The following CBX7 variants were observed in gnomAD, a reference collection of about 807,000 sequenced individuals.
The protein encoded by CBX7 is chromobox protein homolog 7.
CBX7 carries 14 observed loss-of-function variants against 31.4 expected under a neutral mutation model. The ratio of observed to expected loss-of-function variants is 0.45; its 90% CI spans 0.29 to 0.70. CBX7 has a LOEUF of 0.70. Ranked by LOEUF, CBX7 falls within the 30% of genes least tolerant of loss-of-function variation. The pLI is 0.11. For synonymous variants in CBX7, 159 were observed against 152.6 expected (o/e 1.04, Z -0.31); for missense variants, 269 against 351.9 (o/e 0.76, Z 1.89).
chr22:39,137,176 C>A (rs368749193), intron 4 of CBX7, among the ~76,000 whole-genome samples: 1 of 152,056 alleles, frequency 6.6e-6, no homozygotes, highest in African/African-American at 2.4e-5. Context: ...TTTCAGACTT[C>A]GAATTTTTTT....
chr22:39,138,175 T>C (rs1376755868), intron 4 of CBX7, among the ~76,000 whole-genome samples: 4 of 126,642 alleles, frequency 3.2e-5, no homozygotes, highest in African/African-American at 9.5e-5. Context: ...AGAGCGAGAC[T>C]CCGTCTCAAA....
intron 4 of CBX7, 200 bp from the exon 5 acceptor site, chr22:39,134,952 C>G (rs1930200834): frequency 1.8e-6 from 1 of 558,976 alleles, no homozygotes. Flanking sequence ...GGTCGGCCAG[C>G]TCAGCCCTGC....
chr22:39,151,635 C>T (rs971900224), intron 1 of CBX7, among the ~76,000 whole-genome samples: 1 of 152,228 alleles, frequency 6.6e-6, no homozygotes, highest in Non-Finnish European at 1.5e-5. Context: ...CAGCCTTAGG[C>T]GAGCCCCCTC....
chr22:39,133,914 G>A lies in CBX7; in HGVS notation c.733C>T (p.Arg245Ter). The part of the protein sequence containing the change: ...REAQAAEGFF[R>*]DRSGKF ...ATTCAGAACTTCCCACTGCGGTCTC[G>A]GAAGAAGCCCTCAGCTGCCTGGGCC... is the stretch of plus-strand genomic sequence containing the variant. The change falls in exon 6 of 6, where the codon CGA (arginine) becomes TGA (stop). Residue 245 changes from arginine to a stop codon, truncating the protein, a stop_gained. Transcript: ENST00000216133. LOFTEE classifies it high-confidence loss of function. The A allele has an allele frequency of 1.9e-6, 3 of 1,612,442 alleles. No individual in the cohort carries two copies. Among genetic ancestry groups the A allele is most frequent in the Non-Finnish European group, 2.5e-6 (3 of 1,179,164 alleles).
Position 39,134,052 on chromosome 22 carries a change from C to T in CBX7, c.599-4G>A. On this transcript the variant is annotated splice_region_variant and splice_polypyrimidine_tract_variant and intron_variant, in intron 5 of 5. Coordinates refer to ENST00000216133, the MANE Select transcript of CBX7 (RefSeq NM_175709.5). ...CCCTCGGCCAGGTCGGCATCTGCTG[C>T]AGCGTCAGACACACAGATGGGGGCA... is the stretch of plus-strand genomic sequence containing the variant. The T allele has an allele frequency of 6.3e-7, 1 of 1,588,970 alleles. No homozygotes were observed. Among genetic ancestry groups the T allele is most frequent in the South Asian group, 1.1e-5 (1 of 89,744 alleles).
At chr22:39,138,741 T>A (rs774215418) in intron 3 of CBX7, 39 bp from the exon 4 acceptor site, 4 of 1,587,518 alleles carry the variant, frequency 2.5e-6, no homozygotes, top group East Asian at 4.5e-5. Flanking sequence ...AAGGAAACAC[T>A]GGTGACATCT....
intron 4 of CBX7, 68 bp from the exon 5 acceptor site, chr22:39,134,820 T>A: frequency 1.0e-6 from 1 of 978,362 alleles, no homozygotes; most frequent in South Asian, 1.7e-5. Context: ...TTGCTCATGC[T>A]GTTCCTCCCA....
intron 2 of CBX7, chr22:39,147,086 CTTTTTTTTTTTTTTTTTTTT>C (rs34901545): frequency 1.6e-5 from 1 of 62,332 alleles, no homozygotes; most frequent in Admixed American, 2.2e-4. Flanking sequence ...AAAGTGTCCA[CTTTTTTTTTTTTTTTTTTTT>C]TTTTTTTTTT....
At chr22:39,142,762 T>C (rs1166341941) in intron 2 of CBX7, among the ~76,000 whole-genome samples, 3 of 152,150 alleles carry the variant, frequency 2.0e-5, no homozygotes, top group Non-Finnish European at 4.4e-5. Context: ...AAACAATATA[T>C]GTACAGTCAA....
intron 4 of CBX7, 50 bp from the exon 5 acceptor site, chr22:39,134,802 C>A (rs1235751595): frequency 8.4e-7 from 1 of 1,197,006 alleles, no homozygotes. Context: ...CTCCCACCCG[C>A]CACACCTTTG....
intron 2 of CBX7, chr22:39,149,587 G>A (rs77832508): frequency 0.014 from 8,300 of 591,714 alleles, 87 homozygotes; most frequent in Non-Finnish European, 0.019. Flanking sequence ...GGTGAGAAGA[G>A]AAGCTGGAGA....
chr22:39,141,474 C>T lies in CBX7; in HGVS notation c.114-38G>A, dbSNP rs567212443. 41 of 1,570,872 alleles carry T rather than the reference C, an allele frequency of 2.6e-5. No individual in the cohort carries two copies. The Admixed American group carries it at 4.5e-4, about 17-fold the overall frequency. On this transcript the variant is annotated intron_variant, in intron 2 of 5. Transcript: ENST00000216133. Reference sequence around the variant, plus strand: ...ATGAAAGGTCAGAGTTGGGGCTGGGCGCGGTGGCTCATGCCTGTAATCCCA... The same window carrying T: ...ATGAAAGGTCAGAGTTGGGGCTGGGTGCGGTGGCTCATGCCTGTAATCCCA...
At chr22:39,134,377 G>T (rs754645465) in intron 5 of CBX7, 24 bp downstream of exon 5, 1 of 1,566,940 alleles carries the variant, frequency 6.4e-7, no homozygotes, top group Non-Finnish European at 8.6e-7. Flanking sequence ...AGCTCTGAGG[G>T]TCTCTGGGCT....
intron 2 of CBX7, chr22:39,147,010 GCCA>G (rs1930684496): frequency 6.6e-6 from 1 of 150,512 alleles, no homozygotes; most frequent in South Asian, 2.1e-4. Context: ...GAGCCCCTCT[GCCA>G]CACTTGTTTG....
chr22:39,143,081 C>G (rs1930516470), intron 2 of CBX7, among the ~76,000 whole-genome samples: 1 of 152,088 alleles, frequency 6.6e-6, no homozygotes, highest in African/African-American at 2.4e-5. Flanking sequence ...TGGAGAAACC[C>G]CATCTCTACT....
intron 2 of CBX7, chr22:39,147,818 T>G (rs1314130061): frequency 6.6e-6 from 1 of 152,290 alleles, no homozygotes; most frequent in Non-Finnish European, 1.5e-5. Flanking sequence ...AAATGATTTC[T>G]AAGGATACTT....
chr22:39,143,345 G>A (rs991597006), intron 2 of CBX7, among the ~76,000 whole-genome samples: 1 of 151,676 alleles, frequency 6.6e-6, no homozygotes, highest in Non-Finnish European at 1.5e-5. Context: ...ATAGAAGAAA[G>A]CTTATAGAAT....
intron 3 of CBX7, 188 bp downstream of exon 3, chr22:39,141,182 AG>A (rs1185715421): frequency 3.7e-6 from 2 of 542,000 alleles, no homozygotes; most frequent in African/African-American, 4.0e-5. Flanking sequence ...ACAACAGGAA[AG>A]GGCCCCAGGG....
rs372264026 is a variant in CBX7, at chr22:39,134,467, G to A, written c.532C>T (p.Pro178Ser). Residue 178 changes from proline to serine, a missense_variant, in exon 5 of 6, where the codon CCG (proline) becomes TCG (serine). By Grantham distance (74) the Pro-to-Ser change is moderately conservative. Around this residue, in one of 2 missense-constraint regions of CBX7, gnomAD observed 222 missense variants for 240.4 expected, o/e 0.92. Coordinates refer to ENST00000216133, the MANE Select transcript of CBX7 (RefSeq NM_175709.5). ...HRRELFLQEP[P>S]APDVLQAAGE... is the part of the protein sequence containing the mutation. The stretch of plus-strand genomic sequence containing the variant: ...GCCGCCTGCAGGACGTCTGGGGCCG[G>A]TGGCTCCTGCAGGAAGAGCTCCCGT... 8 of 1,608,740 alleles carry A rather than the reference G, an allele frequency of 5.0e-6. No homozygotes were observed. Among genetic ancestry groups the A allele is most frequent in the Middle Eastern group, 3.3e-4 (2 of 5,982 alleles).
Sources: gnomAD v4.1 joint callset for allele counts (sites outside exome capture counted in the v4.1 genomes callset) on GRCh38, gnomAD v4.1.1 for gene constraint, gnomAD v4.1.1 regional missense constraint, MANE v1.5 for transcripts, NCBI Gene and HGNC (gene_info 2026-07-23, HGNC 2026-07-21) for gene names.